MLC1: variants seen among roughly 807,000 people sequenced by gnomAD.
MLC1 encodes the protein modulator of VRAC current 1.
A neutral mutation model predicts 44.7 loss-of-function variants in MLC1; 32 were observed. The ratio of observed to expected loss-of-function variants is 0.72; its 90% CI spans 0.54 to 0.96. The LOEUF (loss-of-function observed/expected upper bound fraction) is 0.96. Among genes scored for constraint, MLC1 ranks in the 40% least tolerant of loss-of-function variants. MLC1 has a pLI of 0.00. For missense variants in MLC1, 459 were observed against 492.2 expected, an observed-to-expected ratio of 0.93 and a Z score of 0.64; for synonymous variants, 190 against 213.0, an observed-to-expected ratio of 0.89 and a Z score of 0.94.
At chr22:50,070,715 G>T in intron 8 of MLC1, 132 bp from the exon 9 acceptor site, 1 of 961,130 alleles carries the variant, frequency 1.0e-6, no homozygotes, top group Non-Finnish European at 1.6e-6. Context: ...CAGGGGGGAT[G>T]GTGCAGTGCC....
chr22:50,072,586 TG>T (rs1347860201), intron 8 of MLC1, among the ~76,000 whole-genome samples: 1 of 151,924 alleles, frequency 6.6e-6, no homozygotes, highest in African/African-American at 2.4e-5. Flanking sequence ...GTCTGCGGGA[TG>T]GGAGGGGCCT....
chr22:50,079,410 A>G lies in MLC1; in HGVS notation c.423+508T>C, dbSNP rs1048696307. Among the ~76,000 whole-genome samples, 4 of 147,338 alleles carry G rather than the reference A, an allele frequency of 2.7e-5. No homozygotes were observed. The South Asian group carries it at 6.7e-4, about 25-fold the overall frequency. On this transcript the variant is annotated intron_variant, in intron 5 of 11. Transcript: ENST00000311597. ...CTCAAGCCTCCTCCAGCTTTCCCCA[A>G]TCATCAAGTGCATTCCACATGTCAC... is the stretch of plus-strand genomic sequence containing the variant.
intron 8 of MLC1, among the ~76,000 whole-genome samples, chr22:50,073,053 G>A (rs367657116): frequency 6.0e-5 from 9 of 151,154 alleles, no homozygotes; most frequent in African/African-American, 1.9e-4. Flanking sequence ...CACCGTTCCC[G>A]GGCAGGCGTG....
upstream of MLC1, chr22:50,085,526 C>T (rs556323413): frequency 2.9e-4 from 47 of 163,940 alleles, no homozygotes; most frequent in African/African-American, 8.9e-4. Context: ...AGAAATGTTT[C>T]GTGTTGGTTG....
At chr22:50,082,335 G>A (rs2062167255) in intron 3 of MLC1, among the ~76,000 whole-genome samples, 1 of 152,262 alleles carries the variant, frequency 6.6e-6, no homozygotes, top group Non-Finnish European at 1.5e-5. Context: ...CGCTGGGGAG[G>A]CAGTGGCCGG....
chr22:50,076,688 C>T (rs1328725121), intron 7 of MLC1, among the ~76,000 whole-genome samples, 153 bp downstream of exon 7: 3 of 152,246 alleles, frequency 2.0e-5, no homozygotes, highest in Non-Finnish European at 4.4e-5. Flanking sequence ...ATACCAATAA[C>T]AGACTAGAGT....
intron 5 of MLC1, among the ~76,000 whole-genome samples, chr22:50,078,664 G>A (rs1206790832): frequency 2.0e-5 from 3 of 151,516 alleles, no homozygotes; most frequent in East Asian, 3.9e-4. Context: ...GCTTGAACCC[G>A]AGAGGCGGAG....
At chr22:50,081,050 A>AAAGAAAGAAAGAAAGAAAGAAAGAAAGG (rs1453373030) in intron 3 of MLC1, among the ~76,000 whole-genome samples, 1 of 137,954 alleles carries the variant, frequency 7.2e-6, no homozygotes, top group Non-Finnish European at 1.5e-5. Context: ...AGAAAGAAAG[A>AAAGAAAGAAAGAAAGAAAGAAAGAAAGG]AAGAAAGAGG....
At chr22:50,085,051 T>C (rs1316549504) in intron 1 of MLC1, 90 bp from the exon 2 acceptor site, 2 of 1,494,584 alleles carry the variant, frequency 1.3e-6, no homozygotes, top group South Asian at 1.2e-5. Flanking sequence ...AGAAATATTG[T>C]TCATACTGAA....
Position 50,061,242 on chromosome 22 carries a change from G to C in MLC1, c.*341C>G, listed in dbSNP as rs897050839. The C allele has an allele frequency of 2.5e-6, 1 of 406,444 alleles. No homozygotes were observed. The highest frequency in any genetic ancestry group is 4.7e-6 in the Non-Finnish European group (1 of 214,728). The allele number at this position is 406,444 out of a possible 1,614,324, so 25.2% of individuals were successfully genotyped here. A position where few individuals can be genotyped will look rare whatever the true frequency, so the allele number is the denominator to read the frequency against. Reference sequence around the variant, plus strand: ...GAGAGCCCACTCCAGCCCAAGCCATGAGAGAGGCAGGAAGAGGAGCTGGGG... The same window carrying C: ...GAGAGCCCACTCCAGCCCAAGCCATCAGAGAGGCAGGAAGAGGAGCTGGGG... On this transcript the variant is annotated 3_prime_UTR_variant, in exon 12 of 12. Coordinates refer to ENST00000311597, the MANE Select transcript of MLC1 (RefSeq NM_015166.4).
At chr22:50,070,707 G>C (rs1197587931) in intron 8 of MLC1, 124 bp from the exon 9 acceptor site, 18 of 1,049,622 alleles carry the variant, frequency 1.7e-5, no homozygotes, top group Non-Finnish European at 2.8e-6. Context: ...GTGGGGGGCA[G>C]GGGGGATGGT....
rs886057618 is a variant in MLC1, at chr22:50,059,416, C to G, written c.*2167G>C. ...CACGTCTGCAAGTCAGCGTTTATTG[C>G]TCAAGCGTATTAAACAAAAATGTAG... On this transcript the variant is annotated 3_prime_UTR_variant, in exon 12 of 12. Coordinates refer to ENST00000311597, the MANE Select transcript of MLC1 (RefSeq NM_015166.4). 6.6e-6 allele frequency: 1 copy of G among 152,346 alleles called. No homozygotes were observed. The highest frequency in any genetic ancestry group is 1.5e-5 in the Non-Finnish European group (1 of 68,042). 9.4% of individuals were successfully genotyped at this position (152,346 alleles called of 1,614,324 possible). A position where few individuals can be genotyped will look rare whatever the true frequency, so the allele number is the denominator to read the frequency against.
chr22:50,072,645 G>A (rs1016801410), intron 8 of MLC1: 1 of 152,376 alleles, frequency 6.6e-6, no homozygotes, highest in Non-Finnish European at 1.5e-5. Context: ...TAGGGCAAGT[G>A]CCTTTCATTC....
intron 3 of MLC1, 49 bp from the exon 4 acceptor site, chr22:50,080,446 G>A (rs1197267970): frequency 5.2e-6 from 8 of 1,541,772 alleles, no homozygotes; most frequent in African/African-American, 4.1e-5. Context: ...CTGAGCAACT[G>A]AGACTCTGAA....
chr22:50,074,724 C>T, intron 7 of MLC1: 1 of 303,664 alleles, frequency 3.3e-6, no homozygotes, highest in South Asian at 3.2e-5. Context: ...GAAAACAGGC[C>T]TGGGGCAGAA....
At position 50,074,274 on chromosome 22, in the gene MLC1, A is replaced by C. The variant is rs1177610161; in HGVS notation, c.656T>G (p.Val219Gly). ...AVLGGIIALN[V>G]DDSVSGPHLS... is the part of the protein sequence containing the mutation. ...GTGTGGGCCTGAAACTGAGTCATCC[A>C]CGTTCAGGGCAATGATCCCCCCGAG... The change falls in exon 8 of 12, where the codon GTG becomes GGG. Residue 219 changes from valine (V) to glycine (G), a missense_variant. Coordinates refer to ENST00000311597, the MANE Select transcript of MLC1 (RefSeq NM_015166.4). 2 of 1,614,116 alleles carry C rather than the reference A, an allele frequency of 1.2e-6. No individual in the cohort carries two copies. Among genetic ancestry groups the C allele is most frequent in the Admixed American group, 1.7e-5 (1 of 60,006 alleles).
chr22:50,073,189 A>G (rs1318480021), intron 8 of MLC1, among the ~76,000 whole-genome samples: 1 of 152,222 alleles, frequency 6.6e-6, no homozygotes, highest in East Asian at 1.9e-4. Flanking sequence ...GAAGAGCCCC[A>G]CTGCTGCCCA....
In MLC1 at chr22:50,079,850, T is replaced by C. The variant is rs948452135; in HGVS notation, c.423+68A>G. The C allele has an allele frequency of 3.0e-5, 35 of 1,149,858 alleles. No individual in the cohort carries two copies. The South Asian group carries it at 4.3e-4, about 14-fold the overall frequency. The allele number at this position is 1,149,858 out of a possible 1,614,324, so 71.2% of individuals were successfully genotyped here. A position where few individuals can be genotyped will look rare whatever the true frequency, so the allele number is the denominator to read the frequency against. On this transcript the variant is annotated intron_variant, in intron 5 of 11. Coordinates refer to ENST00000311597, the MANE Select transcript of MLC1 (RefSeq NM_015166.4). ...ACCTATTTCCAGCTCAACAAACATT[T>C]GCTGACACCATTCGTGGGAGTGGGG...
chr22:50,085,020 C>T, intron 1 of MLC1, 59 bp from the exon 2 acceptor site: 1 of 1,519,244 alleles, frequency 6.6e-7, no homozygotes, highest in Non-Finnish European at 8.8e-7. Context: ...AAGTTGTTTC[C>T]AAGAAATATT....
Sources: allele counts gnomAD v4.1 joint callset (sites outside exome capture counted in the v4.1 genomes callset), GRCh38; gene constraint gnomAD v4.1.1; transcripts MANE v1.5; gene names NCBI Gene and HGNC (gene_info 2026-07-23, HGNC 2026-07-21).